PHF2: variants seen among roughly 807,000 people sequenced by gnomAD.
PHF2 encodes lysine-specific demethylase PHF2.
Under a neutral mutation model 120.5 loss-of-function variants are expected in PHF2, and 27 were observed. That is an observed-to-expected ratio of 0.22 (90% CI 0.17 to 0.31). PHF2 has a LOEUF of 0.31. Among genes scored for constraint, PHF2 ranks in the 10% least tolerant of loss-of-function variants. PHF2 has a pLI of 1.00. For synonymous variants in PHF2, 568 were observed against 592.5 expected, an observed-to-expected ratio of 0.96 and a Z score of 0.60; for missense variants, 1,024 against 1,434.8, an observed-to-expected ratio of 0.71 and a Z score of 4.63.
At chr9:93,610,621 T>G (rs1341497470) in intron 1 of PHF2, among the ~76,000 whole-genome samples, 1 of 152,212 alleles carries the variant, frequency 6.6e-6, no homozygotes, top group East Asian at 1.9e-4. Context: ...GTAGGTTGTT[T>G]TTTGTTTTGT....
chr9:93,649,397 T>TTTTTTTTTG (rs1321587527), intron 5 of PHF2, among the ~76,000 whole-genome samples, 185 bp downstream of exon 5: 8 of 143,280 alleles, frequency 5.6e-5, no homozygotes, highest in African/African-American at 2.1e-4. Flanking sequence ...TTTTTTTTTT[T>TTTTTTTTTG]TATAAGACTG....
chr9:93,624,050 C>A (rs1159187803), intron 1 of PHF2, among the ~76,000 whole-genome samples: 2 of 152,236 alleles, frequency 1.3e-5, no homozygotes, highest in Non-Finnish European at 2.9e-5. Flanking sequence ...GCAGTACTAT[C>A]CTTAGTGAAT....
chr9:93,612,556 A>G (rs1489589096), intron 1 of PHF2, among the ~76,000 whole-genome samples: 1 of 152,264 alleles, frequency 6.6e-6, no homozygotes, highest in Non-Finnish European at 1.5e-5. Flanking sequence ...AAGTCACAAA[A>G]TCACTAGTCA....
intron 1 of PHF2, among the ~76,000 whole-genome samples, chr9:93,597,469 C>T (rs549928462): frequency 3.3e-5 from 5 of 152,008 alleles, no homozygotes. Context: ...GAAAGGAGAG[C>T]ATGGTGGGCT....
rs185983199 is a variant in PHF2, at chr9:93,657,924, T to A, written c.1148-221T>A. Among the ~76,000 whole-genome samples the A allele has an allele frequency of 7.9e-5, 12 of 151,964 alleles. No homozygotes were observed. The East Asian group carries it at 1.6e-3, about 20-fold the overall frequency. Reference sequence around the variant, plus strand: ...CCTGGAGGGTGAGACAGTGGGAGGATGGTGGGAGGGCCAATCTTTCCTCAA... The same window carrying A: ...CCTGGAGGGTGAGACAGTGGGAGGAAGGTGGGAGGGCCAATCTTTCCTCAA... On this transcript the variant is annotated intron_variant, in intron 9 of 21. Coordinates refer to ENST00000359246, the MANE Select transcript of PHF2 (RefSeq NM_005392.4).
intron 17 of PHF2, among the ~76,000 whole-genome samples, chr9:93,671,880 A>G (rs1231915285): frequency 1.1e-3 from 94 of 84,392 alleles, no homozygotes; most frequent in South Asian, 2.3e-3. Context: ...GTGGGTGTGG[A>G]TGTAGGTACA....
At chr9:93,638,763 G>A (rs10821186) in intron 3 of PHF2, among the ~76,000 whole-genome samples, 52,720 of 152,024 alleles carry the variant, frequency 0.35, 9,530 homozygotes, top group Non-Finnish European at 0.39. Context: ...CTGTCACCCA[G>A]GCTGGAGTAC....
chr9:93,653,014 G>A (rs540367280), intron 5 of PHF2, among the ~76,000 whole-genome samples, 165 bp from the exon 6 acceptor site: 5 of 152,160 alleles, frequency 3.3e-5, no homozygotes, highest in South Asian at 2.1e-4. Context: ...GGCTCATTCC[G>A]TCCTCTGTGA....
intron 1 of PHF2, among the ~76,000 whole-genome samples, chr9:93,578,018 A>G (rs1862866388): frequency 6.6e-6 from 1 of 152,136 alleles, no homozygotes; most frequent in Non-Finnish European, 1.5e-5. Flanking sequence ...GTGGTCCGGG[A>G]TTCTCCTTCC....
chr9:93,605,771 T>G (rs528163049), intron 1 of PHF2, among the ~76,000 whole-genome samples: 1 of 152,344 alleles, frequency 6.6e-6, no homozygotes, highest in Admixed American at 6.5e-5. Flanking sequence ...AATATTTCAT[T>G]GTCTGGATGT....
At chr9:93,673,551 A>G (rs1323322739) in intron 17 of PHF2, 34 bp from the exon 18 acceptor site, 11 of 1,523,426 alleles carry the variant, frequency 7.2e-6, no homozygotes, top group Non-Finnish European at 9.7e-6. Context: ...GGCCAAGAGC[A>G]CTGGGCTGAG....
chr9:93,651,267 G>A (rs1235480115), intron 5 of PHF2, among the ~76,000 whole-genome samples: 3 of 152,166 alleles, frequency 2.0e-5, no homozygotes, highest in Non-Finnish European at 4.4e-5. Context: ...TTACTGCCCT[G>A]CCTGGGTTGA....
chr9:93,650,847 G>A (rs993697975), intron 5 of PHF2, among the ~76,000 whole-genome samples: 3 of 152,164 alleles, frequency 2.0e-5, no homozygotes, highest in Admixed American at 6.5e-5. Flanking sequence ...CATCGTTTCC[G>A]TCATGCCTAC....
At chr9:93,619,571 G>A (rs1368832478) in intron 1 of PHF2, among the ~76,000 whole-genome samples, 1 of 152,240 alleles carries the variant, frequency 6.6e-6, no homozygotes, top group South Asian at 2.1e-4. Context: ...GTAGCCCCTG[G>A]TGGCCTGTGC....
intron 4 of PHF2, 133 bp downstream of exon 4, chr9:93,645,922 C>T (rs1587703315): frequency 2.0e-6 from 2 of 1,006,696 alleles, no homozygotes; most frequent in Non-Finnish European, 1.4e-6. Flanking sequence ...TCAAGGCTCA[C>T]CGTACTCTGT....
At position 93,660,351 on chromosome 9, in the gene PHF2, G is replaced by A; in HGVS notation, c.1489G>A (p.Val497Met). ...GTCCAAAAAAAAGACTCCCAAAACTGTGAAGATGCCCAAGCCATCCAAAAT... is the reference window on the plus strand; with the variant it reads ...GTCCAAAAAAAAGACTCCCAAAACTATGAAGATGCCCAAGCCATCCAAAAT... Reference protein sequence around the residue: ...KVSKKKTPKTVKMPKPSKIPK... With the variant: ...KVSKKKTPKTMKMPKPSKIPK... The change falls in exon 12 of 22, where the codon GTG (valine) becomes ATG (methionine). Residue 497 changes from valine to methionine, a missense_variant. Transcript: ENST00000359246. 6 of 1,600,722 alleles carry A rather than the reference G, an allele frequency of 3.7e-6. No homozygotes were observed. The highest frequency in any genetic ancestry group is 4.3e-6 in the Non-Finnish European group (5 of 1,173,724).
rs893748386 is a variant in PHF2, at chr9:93,666,948, AAAAAT to A, written c.2188-123_2188-119del. ...CAAAACTAAATAAATAAATAAAAAT[AAAAAT>A]AAAATAAATAAAAATGTTAAAAAAC... On this transcript the variant is annotated intron_variant, in intron 16 of 21. Coordinates refer to ENST00000359246, the MANE Select transcript of PHF2 (RefSeq NM_005392.4). 7 of 468,066 alleles carry A rather than the reference AAAAAT, an allele frequency of 1.5e-5. No homozygotes were observed. In the Admixed American group the frequency reaches 2.4e-4, roughly 16 times the overall value. The allele number at this position is 468,066 out of a possible 1,614,324, so 29.0% of individuals were successfully genotyped here.
chr9:93,663,617 C>G lies in PHF2; in HGVS notation c.1919C>G (p.Ser640Cys), dbSNP rs761982622. Residue 640 changes from serine to cysteine, a missense_variant, in exon 14 of 22, where the codon TCC (serine) becomes TGC (cysteine). Around this residue, in one of 2 missense-constraint regions of PHF2, gnomAD observed 677 missense variants for 857.4 expected, o/e 0.79. Transcript: ENST00000359246. ...GACAATAAGTTCTCTTTTTCTTTCT[C>G]CAACAAGAAACTCCTCGGGTATGTG... is the stretch of plus-strand genomic sequence containing the variant. The part of the protein sequence containing the change: ...NKDNKFSFSF[S>C]NKKLLGSKAL... The G allele has an allele frequency of 2.5e-6, 4 of 1,610,840 alleles. No homozygotes were observed. The highest frequency in any genetic ancestry group is 1.7e-4 in the Middle Eastern group (1 of 6,046).
In PHF2 at chr9:93,677,067, G is replaced by T; in HGVS notation, c.3202+104G>T. The T allele has an allele frequency of 7.7e-7, 1 of 1,297,938 alleles. No homozygotes were observed. The allele number at this position is 1,297,938 out of a possible 1,614,324, so 80.4% of individuals were successfully genotyped here. The stretch of plus-strand genomic sequence containing the variant: ...GCCCATGGTAGAGGGCAGCACATTG[G>T]GAGGGCTCCTGGGCCTTGGGTGGCA... On this transcript the variant is annotated intron_variant, in intron 21 of 21. Coordinates refer to ENST00000359246, the MANE Select transcript of PHF2 (RefSeq NM_005392.4). This position sits in a 1 kb window ranked among gnomAD's most constrained non-coding sequence, Gnocchi z 4.4.
Sources: gnomAD v4.1 joint callset for allele counts (sites outside exome capture counted in the v4.1 genomes callset) on GRCh38, gnomAD v4.1.1 for gene constraint, gnomAD v4.1.1 regional missense constraint, Gnocchi (gnomAD v3.1) non-coding constraint, MANE v1.5 for transcripts, NCBI Gene and HGNC (gene_info 2026-07-23, HGNC 2026-07-21) for gene names.